Variants in LIPA observed in about 807,000 individuals in gnomAD.
LIPA encodes lipase A, lysosomal acid type.
Under a neutral mutation model 40.6 loss-of-function variants are expected in LIPA, and 26 were observed. The observed-to-expected ratio is 0.64, with a 90% CI of 0.47 to 0.89. The LOEUF is 0.89. LIPA is among the 40% of genes least tolerant of loss of function. LIPA has a pLI of 0.00. For synonymous variants in LIPA, 188 were observed against 168.4 expected (o/e 1.12, Z -0.90); for missense variants, 455 against 479.6 (o/e 0.95, Z 0.48).
At chr10:89,244,921 T>C (rs941869346) in intron 3 of LIPA, among the ~76,000 whole-genome samples, 11 of 152,204 alleles carry the variant, frequency 7.2e-5, no homozygotes, top group Non-Finnish European at 1.0e-4. Flanking sequence ...CTTCTGGACA[T>C]GTATCATGTA....
intron 1 of LIPA, among the ~76,000 whole-genome samples, chr10:89,249,573 C>G (rs1286824631): frequency 6.6e-6 from 1 of 150,872 alleles, no homozygotes; most frequent in Non-Finnish European, 1.5e-5. Context: ...AGGGAAGGAA[C>G]ACAAAAAAAT....
intron 1 of LIPA, among the ~76,000 whole-genome samples, chr10:89,287,326 T>G (rs1453335257): frequency 6.6e-6 from 1 of 152,220 alleles, no homozygotes; most frequent in Non-Finnish European, 1.5e-5. Flanking sequence ...CTTGCCTCCA[T>G]AACTGTTGTG....
At chr10:89,343,476 C>G (rs1843889369), upstream of LIPA, among the ~76,000 whole-genome samples, 1 of 152,142 alleles carries the variant, frequency 6.6e-6, no homozygotes, top group African/African-American at 2.4e-5. Flanking sequence ...CTATCATTGT[C>G]TTGCGGAAGA....
At chr10:89,311,524 C>CAAAAA (rs36010336) in intron 1 of LIPA, among the ~76,000 whole-genome samples, 2 of 73,712 alleles carry the variant, frequency 2.7e-5, no homozygotes, top group Admixed American at 1.6e-4. Flanking sequence ...GACCCTGTCT[C>CAAAAA]AAAAAAAAAA....
Position 89,245,699 on chromosome 10 carries a change from C to T in LIPA, c.206G>A (p.Gly69Glu). 1.9e-6 allele frequency: 3 copies of T among 1,584,480 alleles called. No individual in the cohort carries two copies. Among genetic ancestry groups the T allele is most frequent in the Non-Finnish European group, 2.6e-6 (3 of 1,153,104 alleles). ...ACCTTTGTCAGAATGGTTCTTCCTC[C>T]CATGAGGAATTCGGTTAAGGCACAG... ...YILCLNRIPH[G>E]RKNHSDKGPK... Residue 69 changes from glycine (G) to glutamate (E), a missense_variant, in exon 3 of 10, where the codon GGG becomes GAG. By Grantham distance (98) the Gly-to-Glu change is moderately conservative (BLOSUM62 -2). Coordinates refer to ENST00000336233, the MANE Select transcript of LIPA (RefSeq NM_000235.4).
intron 1 of LIPA, among the ~76,000 whole-genome samples, chr10:89,312,395 C>A (rs1050727869): frequency 6.6e-6 from 1 of 151,886 alleles, no homozygotes; most frequent in Non-Finnish European, 1.5e-5. Flanking sequence ...GAGCTGAGAT[C>A]GTGCCACTGC....
At chr10:89,242,776 A>G (rs1428694156) in intron 3 of LIPA, among the ~76,000 whole-genome samples, 1 of 152,244 alleles carries the variant, frequency 6.6e-6, no homozygotes, top group Non-Finnish European at 1.5e-5. Context: ...CTTAAACTAT[A>G]TAAGCAAACT....
chr10:89,293,350 A>C (rs568022073), intron 1 of LIPA, among the ~76,000 whole-genome samples: 134 of 152,290 alleles, frequency 8.8e-4, no homozygotes, highest in African/African-American at 3.0e-3. Flanking sequence ...AGAACAGACT[A>C]ACACAGTTTC....
At position 89,214,784 on chromosome 10, in the gene LIPA, T is replaced by C. The variant is rs1317617959; in HGVS notation, c.*44A>G. 1 of 1,165,342 alleles carries C rather than the reference T, an allele frequency of 8.6e-7. No individual in the cohort carries two copies. The highest frequency in any genetic ancestry group is 1.5e-5 in the African/African-American group (1 of 65,994). 72.2% of individuals were successfully genotyped at this position (1,165,342 alleles called of 1,614,324 possible). On this transcript the variant is annotated 3_prime_UTR_variant, in exon 10 of 10. Coordinates refer to ENST00000336233, the MANE Select transcript of LIPA (RefSeq NM_000235.4). Reference sequence around the variant, plus strand: ...GAAATGAAGCAAACACATTTTCACATGACATAATCATTGACTTGGTGGTAC... The same window carrying C: ...GAAATGAAGCAAACACATTTTCACACGACATAATCATTGACTTGGTGGTAC...
intron 2 of LIPA, chr10:89,402,907 G>A (rs145664491): frequency 1.7e-4 from 276 of 1,614,150 alleles, no homozygotes; most frequent in East Asian, 9.6e-4. Flanking sequence ...CAGGCTGTCC[G>A]CTTAAATCCA....
At chr10:89,327,456 C>A (rs1843610660) in intron 1 of LIPA, among the ~76,000 whole-genome samples, 1 of 151,922 alleles carries the variant, frequency 6.6e-6, no homozygotes, top group African/African-American at 2.4e-5. Flanking sequence ...GAGGCTGAGG[C>A]AAGAGAATCA....
chr10:89,398,987 TC>T (rs1291964771), intron 2 of LIPA, among the ~76,000 whole-genome samples: 2 of 152,178 alleles, frequency 1.3e-5, no homozygotes, highest in Non-Finnish European at 2.9e-5. Context: ...CCTTTTACAT[TC>T]CTACTAGCAG....
intron 1 of LIPA, among the ~76,000 whole-genome samples, chr10:89,275,655 C>T (rs1269728646): frequency 1.3e-5 from 2 of 152,198 alleles, no homozygotes; most frequent in African/African-American, 4.8e-5. Context: ...TTGCTGGATC[C>T]TGACTAATAC....
At chr10:89,228,134 G>T in intron 4 of LIPA, 66 bp downstream of exon 4, 1 of 1,358,404 alleles carries the variant, frequency 7.4e-7, no homozygotes, top group Non-Finnish European at 1.1e-6. Flanking sequence ...TCTTCTGCTG[G>T]AAGCCTGTTG....
In LIPA at chr10:89,223,714, C is replaced by A. The variant is rs780855549; in HGVS notation, c.792G>T (p.Leu264=). 6.8e-6 allele frequency: 11 copies of A among 1,613,128 alleles called. No homozygotes were observed. The highest frequency in any genetic ancestry group is 9.3e-6 in the Non-Finnish European group (11 of 1,179,152). The change falls in exon 7 of 10, where the codon CTG becomes CTT. Residue 264 remains leucine (L), a synonymous_variant. Coordinates refer to ENST00000336233, the MANE Select transcript of LIPA (RefSeq NM_000235.4). Reference sequence around the variant, plus strand: ...TTAAATTTCTCTCATTAAATCCACACAGAAGAAAACAGAGATTTCCACAGA... The same window carrying A: ...TTAAATTTCTCTCATTAAATCCACAAAGAAGAAAACAGAGATTTCCACAGA... ...KELCGNLCFL[L]CGFNERNLNM...
chr10:89,257,935 G>A (rs778123135), intron 1 of LIPA, among the ~76,000 whole-genome samples: 2 of 152,144 alleles, frequency 1.3e-5, no homozygotes, highest in African/African-American at 2.4e-5. Flanking sequence ...ACCTGCAAAC[G>A]GTAAGATCCC....
chr10:89,248,169 A>AG (rs1843057368), intron 1 of LIPA, among the ~76,000 whole-genome samples: 1 of 120,642 alleles, frequency 8.3e-6, no homozygotes, highest in Admixed American at 8.8e-5. Context: ...CTGCCCAGGA[A>AG]TTTTTTTTTT....
At chr10:89,303,830 A>AAG (rs760466296) in intron 1 of LIPA, among the ~76,000 whole-genome samples, 23 of 152,236 alleles carry the variant, frequency 1.5e-4, no homozygotes, top group Admixed American at 7.2e-4. Flanking sequence ...GGGAGCAAGG[A>AAG]AGCTATAGTG....
intron 3 of LIPA, among the ~76,000 whole-genome samples, chr10:89,241,330 A>C (rs1281396281): frequency 2.0e-5 from 3 of 152,194 alleles, no homozygotes; most frequent in Non-Finnish European, 4.4e-5. Flanking sequence ...AGAGTGCTAC[A>C]TGAGCCTGAG....
Sources: gnomAD v4.1 joint callset for allele counts (sites outside exome capture counted in the v4.1 genomes callset) on GRCh38, gnomAD v4.1.1 for gene constraint, MANE v1.5 for transcripts, NCBI Gene and HGNC (gene_info 2026-07-23, HGNC 2026-07-21) for gene names.